Variants in FGD4 observed in about 807,000 individuals in gnomAD.
FGD4 encodes FYVE, RhoGEF and PH domain containing 4, also known as FYVE, RhoGEF and PH domain-containing protein 4.
Under a neutral mutation model 102.0 loss-of-function variants are expected in FGD4, and 42 were observed. The observed-to-expected ratio is 0.41, with a 90% CI of 0.32 to 0.53. FGD4 has a LOEUF of 0.53. Among genes scored for constraint, FGD4 ranks in the 20% least tolerant of loss-of-function variants. The probability of loss-of-function intolerance (pLI) is 0.21; values close to 1 mark genes in which losing one functional copy is unlikely to be tolerated. For synonymous variants in FGD4, 380 were observed against 375.7 expected, an observed-to-expected ratio of 1.01 and a Z score of -0.13; for missense variants, 902 against 1,078.2, an observed-to-expected ratio of 0.84 and a Z score of 2.29.
intron 1 of FGD4, among the ~76,000 whole-genome samples, chr12:32,452,957 C>G (rs531673271): frequency 6.6e-6 from 1 of 151,794 alleles, no homozygotes; most frequent in Non-Finnish European, 1.5e-5. Flanking sequence ...CACTGCACTC[C>G]AGCCTGGGCA....
chr12:32,448,756 C>T (rs1041048223), intron 1 of FGD4, among the ~76,000 whole-genome samples: 3 of 151,852 alleles, frequency 2.0e-5, no homozygotes, highest in East Asian at 1.9e-4. Flanking sequence ...GGAAGCAGTC[C>T]GGTAACACAG....
At chr12:32,601,800 A>G (rs939283289) in intron 6 of FGD4, among the ~76,000 whole-genome samples, 1 of 152,172 alleles carries the variant, frequency 6.6e-6, no homozygotes. Flanking sequence ...CTGTCAATTC[A>G]CTCATTCTAT....
intron 1 of FGD4, among the ~76,000 whole-genome samples, chr12:32,516,777 T>TA (rs1939941471): frequency 6.6e-6 from 1 of 152,194 alleles, no homozygotes; most frequent in South Asian, 2.1e-4. Context: ...ATGATAAGAA[T>TA]AAAAATTATT....
intron 5 of FGD4, 150 bp downstream of exon 5, chr12:32,598,736 G>A (rs1331073532): frequency 1.5e-6 from 1 of 672,942 alleles, no homozygotes; most frequent in African/African-American, 1.8e-5. Context: ...AGCACTTTGA[G>A]CTTTGTGAGT....
chr12:32,626,446 GAAAAAA>G (rs34938382), intron 14 of FGD4, among the ~76,000 whole-genome samples: 1,988 of 101,892 alleles, frequency 0.02, 51 homozygotes, highest in African/African-American at 0.064. Context: ...CTCCATCTCA[GAAAAAA>G]AAAAAAAAAA....
Position 32,607,966 on chromosome 12 carries a change from A to C in FGD4, c.1414A>C (p.Ile472Leu). The C allele has an allele frequency of 6.2e-7, 1 of 1,614,218 alleles. No individual in the cohort carries two copies. Among genetic ancestry groups the C allele is most frequent in the East Asian group, 2.2e-5 (1 of 44,884 alleles). The change falls in exon 8 of 17, where the codon ATC becomes CTC. Residue 472 changes from isoleucine to leucine, a missense_variant. Around this residue, in one of 2 missense-constraint regions of FGD4, gnomAD observed 459 missense variants for 619.0 expected, o/e 0.74. Transcript: ENST00000534526. Reference sequence around the variant, plus strand: ...ACCTTTCTCATTACAGAAACAGAAAATCTGTGGGAGCTTAACTTTGCAGCA... The same window carrying C: ...ACCTTTCTCATTACAGAAACAGAAACTCTGTGGGAGCTTAACTTTGCAGCA... ...SVVEEIQKQKICGSLTLQHHM... is the reference protein window; with the variant it reads ...SVVEEIQKQKLCGSLTLQHHM...
intron 1 of FGD4, among the ~76,000 whole-genome samples, chr12:32,542,001 C>G: frequency 6.6e-6 from 1 of 152,208 alleles, no homozygotes; most frequent in East Asian, 1.9e-4. Context: ...CATCACCTTG[C>G]GTTTCACCGC....
chr12:32,560,794 G>C (rs1592220944), intron 1 of FGD4, among the ~76,000 whole-genome samples: 1 of 151,480 alleles, frequency 6.6e-6, no homozygotes, highest in East Asian at 1.9e-4. Context: ...CTGGGCTCAA[G>C]AGATCCTCTC....
intron 4 of FGD4, among the ~76,000 whole-genome samples, chr12:32,583,853 G>A (rs572610210): frequency 1.3e-5 from 2 of 152,312 alleles, no homozygotes; most frequent in South Asian, 2.1e-4. Flanking sequence ...TTATTTGTTC[G>A]TGAACCATGA....
intron 1 of FGD4, among the ~76,000 whole-genome samples, chr12:32,424,008 T>A (rs898670357): frequency 6.6e-6 from 1 of 152,180 alleles, no homozygotes; most frequent in Non-Finnish European, 1.5e-5. Context: ...TCATTTGACT[T>A]AACATAATGT....
chr12:32,453,200 T>TC lies in FGD4; in HGVS notation c.166+53241_166+53242insC, dbSNP rs1555183324. ...ATTATATATATATTTTATATATATA[T>TC]TATATATATATATATATATAATATA... On this transcript the variant is annotated intron_variant, in intron 1 of 16. Coordinates refer to ENST00000534526, the MANE Select transcript of FGD4 (RefSeq NM_001370298.3). 3.1e-5 allele frequency among the ~76,000 whole-genome samples: 2 copies of TC among 64,590 alleles called. 1 individual carries two copies. Among genetic ancestry groups the TC allele is most frequent in the Non-Finnish European group, 6.5e-5 (2 of 30,830 alleles). 42.4% of individuals were successfully genotyped at this position (64,590 alleles called of 152,430 possible).
At chr12:32,403,141 T>G (rs575320298) in intron 1 of FGD4, among the ~76,000 whole-genome samples, 7 of 152,250 alleles carry the variant, frequency 4.6e-5, no homozygotes, top group African/African-American at 1.7e-4. Context: ...GAACAAAAAC[T>G]GAAAACTCAA....
At chr12:32,634,373 G>A (rs1364272027) in intron 15 of FGD4, among the ~76,000 whole-genome samples, 1 of 152,056 alleles carries the variant, frequency 6.6e-6, no homozygotes, top group Non-Finnish European at 1.5e-5. Context: ...ACTTTTTATA[G>A]TAAAATATCT....
chr12:32,433,343 A>G (rs1942116612), intron 1 of FGD4, among the ~76,000 whole-genome samples: 1 of 151,846 alleles, frequency 6.6e-6, no homozygotes, highest in Non-Finnish European at 1.5e-5. Context: ...CTTTAAAAAT[A>G]CATTTTTCTT....
intron 1 of FGD4, among the ~76,000 whole-genome samples, chr12:32,478,510 C>T (rs1943641882): frequency 2.6e-5 from 4 of 152,222 alleles, no homozygotes; most frequent in African/African-American, 7.2e-5. Flanking sequence ...AGGTGATCTG[C>T]CCACCTTGGC....
rs1941314110 is a variant in FGD4, at chr12:32,414,153, G to T, written c.166+14194G>T. ...CACCCAGCTAATTTTTATATTTTTAGTAGAGACAGTGTTTCACCATGTTAA... is the reference window on the plus strand; with the variant it reads ...CACCCAGCTAATTTTTATATTTTTATTAGAGACAGTGTTTCACCATGTTAA... On this transcript the variant is annotated intron_variant, in intron 1 of 16. Transcript: ENST00000534526. Among the ~76,000 whole-genome samples the T allele has an allele frequency of 3.3e-5, 5 of 151,892 alleles. No individual in the cohort carries two copies. The South Asian group carries it at 1.0e-3, about 32-fold the overall frequency.
chr12:32,632,713 A>T (rs202079360), intron 14 of FGD4, among the ~76,000 whole-genome samples: 11,186 of 123,488 alleles, frequency 0.091, 558 homozygotes, highest in African/African-American at 0.12. Flanking sequence ...TTATTTATTT[A>T]TTTTTTTTTT....
At chr12:32,614,647 G>A (rs1949342690) in intron 10 of FGD4, among the ~76,000 whole-genome samples, 1 of 152,216 alleles carries the variant, frequency 6.6e-6, no homozygotes, top group Non-Finnish European at 1.5e-5. Context: ...AGTTTTGACA[G>A]AGAATCATTA....
intron 1 of FGD4, among the ~76,000 whole-genome samples, chr12:32,445,725 T>TACAC (rs1942590352): frequency 6.6e-6 from 1 of 152,224 alleles, no homozygotes; most frequent in Admixed American, 6.5e-5. Context: ...ATGAATAAGA[T>TACAC]ACACACTATT....
Sources: gnomAD v4.1 joint callset for allele counts (sites outside exome capture counted in the v4.1 genomes callset) on GRCh38, gnomAD v4.1.1 for gene constraint, gnomAD v4.1.1 regional missense constraint, MANE v1.5 for transcripts, NCBI Gene and HGNC (gene_info 2026-07-23, HGNC 2026-07-21) for gene names.